Variants in ARHGAP6 observed in about 807,000 individuals in gnomAD.
ARHGAP6 encodes the protein Rho GTPase activating protein 6.
A neutral mutation model predicts 55.7 loss-of-function variants in ARHGAP6; 16 were observed. The ratio of observed to expected loss-of-function variants is 0.29; its 90% CI spans 0.19 to 0.44. The LOEUF (loss-of-function observed/expected upper bound fraction) is 0.44, where lower values mean the gene tolerates loss of function less well. ARHGAP6 is among the 20% of genes least tolerant of loss of function. The pLI is 1.00. For synonymous variants in ARHGAP6, 382 were observed against 360.9 expected (o/e 1.06, Z -0.66); for missense variants, 698 against 808.9 (o/e 0.86, Z 1.66).
At chrX:11,322,940 G>A (rs2048452071) in intron 1 of ARHGAP6, among the ~76,000 whole-genome samples, 1 of 112,129 alleles carries the variant, frequency 8.9e-6, no homozygotes, top group Admixed American at 9.4e-5. Flanking sequence ...TTATATTTTG[G>A]ATAAAGGAAA....
intron 1 of ARHGAP6, chrX:11,367,844 A>C: frequency 2.7e-6 from 2 of 742,403 alleles, no homozygotes. Context: ...AAGGAAACAA[A>C]ACCAGAATAG....
At chrX:11,220,188 C>T (rs1330192107) in intron 2 of ARHGAP6, among the ~76,000 whole-genome samples, 1 of 110,476 alleles carries the variant, frequency 9.1e-6, no homozygotes, top group Non-Finnish European at 1.9e-5. Flanking sequence ...TGTCAAAGAT[C>T]AGATAGTTGT....
chrX:11,385,359 G>A (rs775095529), intron 1 of ARHGAP6, among the ~76,000 whole-genome samples: 38 of 111,695 alleles, frequency 3.4e-4, no homozygotes, highest in African/African-American at 1.2e-3. Flanking sequence ...AATGATGATA[G>A]CTCTAGCATT....
chrX:11,397,976 C>T (rs2049498966), intron 1 of ARHGAP6, among the ~76,000 whole-genome samples: 1 of 111,573 alleles, frequency 9.0e-6, no homozygotes, highest in Admixed American at 9.5e-5. Context: ...AACAGATTCC[C>T]CACATTGATA....
At chrX:11,542,934 A>G (rs1444874434) in intron 1 of ARHGAP6, among the ~76,000 whole-genome samples, 2 of 111,566 alleles carry the variant, frequency 1.8e-5, no homozygotes, top group Non-Finnish European at 3.8e-5. Flanking sequence ...CAGCTAGCGC[A>G]CATTAATCTA....
chrX:11,484,857 T>C (rs773111871), intron 1 of ARHGAP6, among the ~76,000 whole-genome samples: 1 of 111,992 alleles, frequency 8.9e-6, no homozygotes, highest in East Asian at 2.8e-4. Flanking sequence ...TTTCTAACTT[T>C]ACATTTGAGA....
rs1047456271 is a variant in ARHGAP6 at position 11,303,605 on chromosome X, C to T, written c.589-48898G>A. ...CTTTACTATTAATTTTAAAAATGAA[C>T]GATATTAAAATCTCAATTCCTCCAA... On this transcript the variant is annotated intron_variant, in intron 1 of 12. Transcript: ENST00000337414. 7.1e-5 allele frequency among the ~76,000 whole-genome samples: 8 copies of T among 111,967 alleles called. No individual in the cohort carries two copies. In the East Asian group the frequency reaches 1.7e-3, roughly 23 times the overall value.
At chrX:11,381,134 G>A (rs928191395) in intron 1 of ARHGAP6, among the ~76,000 whole-genome samples, 3 of 112,593 alleles carry the variant, frequency 2.7e-5, no homozygotes, top group African/African-American at 6.5e-5. Context: ...AGCGGTTCCT[G>A]AGTATTGTAT....
chrX:11,138,641 G>A lies in ARHGAP6; in HGVS notation c.*222C>T, dbSNP rs527423053. 10 of 436,054 alleles carry A rather than the reference G, an allele frequency of 2.3e-5. No homozygotes were observed. Among genetic ancestry groups the A allele is most frequent in the African/African-American group, 1.2e-4 (5 of 40,734 alleles). 35.9% of individuals were successfully genotyped at this position (436,054 alleles called of 1,213,427 possible). On this transcript the variant is annotated 3_prime_UTR_variant, in exon 13 of 13. Coordinates refer to ENST00000337414, the MANE Select transcript of ARHGAP6 (RefSeq NM_013427.3). ...TAGATTGGACATTGCCATCTGGTTTGGGTTCTGTTTGTTTTTCCTAAGGCT... is the reference window on the plus strand; with the variant it reads ...TAGATTGGACATTGCCATCTGGTTTAGGTTCTGTTTGTTTTTCCTAAGGCT...
chrX:11,540,969 T>A (rs1038086161), intron 1 of ARHGAP6, among the ~76,000 whole-genome samples: 2 of 112,585 alleles, frequency 1.8e-5, no homozygotes, highest in African/African-American at 6.5e-5. Context: ...TGTGAGCAGC[T>A]TGAAAACAGC....
chrX:11,287,939 G>A (rs1427920429), intron 1 of ARHGAP6, among the ~76,000 whole-genome samples: 3 of 112,475 alleles, frequency 2.7e-5, no homozygotes, highest in African/African-American at 9.7e-5. Context: ...GCAGTGCTGG[G>A]TTCCTGCCAG....
intron 1 of ARHGAP6, among the ~76,000 whole-genome samples, chrX:11,391,178 G>T (rs1220767240): frequency 9.0e-6 from 1 of 111,475 alleles, no homozygotes; most frequent in Non-Finnish European, 1.9e-5. Flanking sequence ...CATGGATGAA[G>T]CCGGAAACCA....
chrX:11,139,505 G>T lies in ARHGAP6; in HGVS notation c.2283C>A (p.Ser761Arg). 1 of 1,141,265 alleles carries T rather than the reference G, an allele frequency of 8.8e-7. No individual in the cohort carries two copies. The highest frequency in any genetic ancestry group is 2.2e-5 in the South Asian group (1 of 46,450). 94.1% of individuals were successfully genotyped at this position (1,141,265 alleles called of 1,213,427 possible). The change falls in exon 13 of 13, where the codon AGC becomes AGA. Residue 761 changes from serine (S) to arginine (R), a missense_variant. This residue lies in a region of ARHGAP6 where 212 missense variants were observed against 208.7 expected (regional missense o/e 1.02). Transcript: ENST00000337414. ...MTGSSGDIFE[S>R]SSLRAGPCSL... ...AGCAGGGCCCCGCTCTTAGGGAGCTGCTTTCAAAAATGTCTCCAGAGGAAC... is the reference window on the plus strand; with the variant it reads ...AGCAGGGCCCCGCTCTTAGGGAGCTTCTTTCAAAAATGTCTCCAGAGGAAC...
At chrX:11,321,476 T>C (rs185879328) in intron 1 of ARHGAP6, among the ~76,000 whole-genome samples, 1 of 112,141 alleles carries the variant, frequency 8.9e-6, no homozygotes, top group East Asian at 2.8e-4. Flanking sequence ...TACTCACAAG[T>C]AACTTCTCAA....
intron 1 of ARHGAP6, among the ~76,000 whole-genome samples, chrX:11,433,479 G>A (rs1330752475): frequency 1.8e-5 from 2 of 111,828 alleles, no homozygotes; most frequent in African/African-American, 6.5e-5. Flanking sequence ...TCTATTCAAG[G>A]GTCATTAGGC....
At chrX:11,621,304 A>C (rs1317665784) in intron 1 of ARHGAP6, among the ~76,000 whole-genome samples, 2 of 112,216 alleles carry the variant, frequency 1.8e-5, no homozygotes, top group Non-Finnish European at 3.8e-5. Context: ...CCAGAATATG[A>C]GTTTACTGTG....
At chrX:11,567,571 A>ATATATATATATG in intron 1 of ARHGAP6, among the ~76,000 whole-genome samples, 1 of 101,414 alleles carries the variant, frequency 9.9e-6, no homozygotes, top group Non-Finnish European at 2.0e-5. Context: ...AAAAAAATAT[A>ATATATATATATG]TATATATATT....
chrX:11,327,422 C>G (rs1407803708), intron 1 of ARHGAP6, among the ~76,000 whole-genome samples: 1 of 112,313 alleles, frequency 8.9e-6, no homozygotes, highest in Admixed American at 9.4e-5. Context: ...GTTCTAAGGC[C>G]AAACTAAATT....
At position 11,146,754 on chromosome X, in the gene ARHGAP6, C is replaced by T. The variant is rs780881802; in HGVS notation, c.1908-2506G>A. Among the ~76,000 whole-genome samples, 15 of 112,341 alleles carry T rather than the reference C, an allele frequency of 1.3e-4. No individual in the cohort carries two copies. In the South Asian group the frequency reaches 5.2e-3, roughly 39 times the overall value. On this transcript the variant is annotated intron_variant, in intron 10 of 12. Transcript: ENST00000337414. ...ATACCATGCTCTCTAGCAGCAGAGG[C>T]AGTTAGGGTTGGGATTCTTCTAGAA...
Sources: gnomAD v4.1 joint callset for allele counts (sites outside exome capture counted in the v4.1 genomes callset) on GRCh38, gnomAD v4.1.1 for gene constraint, gnomAD v4.1.1 regional missense constraint, MANE v1.5 for transcripts, NCBI Gene and HGNC (gene_info 2026-07-23, HGNC 2026-07-21) for gene names.